Variants in ELAPOR2 observed in about 807,000 individuals in gnomAD.
ELAPOR2 encodes the protein endosome/lysosome-associated apoptosis and autophagy regulator family member 2.
ELAPOR2 carries 89 observed loss-of-function variants against 120.7 expected under a neutral mutation model. That is an observed-to-expected ratio of 0.74 (90% confidence interval 0.62 to 0.88). The LOEUF is 0.88. Among genes scored for constraint, ELAPOR2 ranks in the 40% least tolerant of loss-of-function variants. The pLI, the probability that ELAPOR2 is intolerant of heterozygous loss-of-function variation, is 0.00. For missense variants in ELAPOR2, 1,134 were observed against 1,251.6 expected (o/e 0.91, Z 1.42); for synonymous variants, 444 against 444.9 (o/e 1.00, Z 0.03).
chr7:86,984,396 C>T (rs975206054), intron 1 of ELAPOR2, among the ~76,000 whole-genome samples: 4 of 152,180 alleles, frequency 2.6e-5, no homozygotes, highest in Non-Finnish European at 4.4e-5. Flanking sequence ...ATTCTCAGCA[C>T]CACATTGCAC....
chr7:87,050,227 A>G (rs1021744624), intron 1 of ELAPOR2, among the ~76,000 whole-genome samples: 1 of 152,134 alleles, frequency 6.6e-6, no homozygotes, highest in Non-Finnish European at 1.5e-5. Context: ...TGGACCTTTG[A>G]TATAGTTTGG....
chr7:86,983,166 T>C (rs1792574661), intron 1 of ELAPOR2, among the ~76,000 whole-genome samples: 1 of 152,090 alleles, frequency 6.6e-6, no homozygotes, highest in South Asian at 2.1e-4. Context: ...GAACAAAGAC[T>C]CCAACAAATA....
chr7:86,880,554 A>C, intron 21 of ELAPOR2, 24 bp from the exon 22 acceptor site: 1 of 1,419,828 alleles, frequency 7.0e-7, no homozygotes. Flanking sequence ...TTAAAGACAA[A>C]ATCAACTCAC....
rs1186590460 is a variant in ELAPOR2, at chr7:86,912,983, T to G, written c.1953A>C (p.Lys651Asn). Residue 651 changes from lysine (K) to asparagine (N), a missense_variant, in exon 14 of 22, where the codon AAA (lysine) becomes AAC (asparagine). Lys to Asn is a moderately conservative substitution (Grantham distance 94). Around this residue, in one of 3 missense-constraint regions of ELAPOR2, gnomAD observed 831 missense variants for 867.6 expected, o/e 0.96. Transcript: ENST00000450689. ...CAGGCCCGCATGGAATACAAGCCTC[T>G]TTGCCATAGACCTGATGTATGGACA... ...TYLSIHQVYG[K>N]EACIPCGPGS... 6.2e-7 allele frequency: 1 copy of G among 1,613,938 alleles called. No individual in the cohort carries two copies. The highest frequency in any genetic ancestry group is 1.7e-5 in the Admixed American group (1 of 59,980).
chr7:86,902,106 G>C (rs1162902176), intron 18 of ELAPOR2, among the ~76,000 whole-genome samples: 1 of 152,134 alleles, frequency 6.6e-6, no homozygotes, highest in Non-Finnish European at 1.5e-5. Flanking sequence ...TTCATAGATA[G>C]CACTTTTTTG....
chr7:86,950,157 C>T (rs1466034809), intron 2 of ELAPOR2, among the ~76,000 whole-genome samples: 1 of 152,194 alleles, frequency 6.6e-6, no homozygotes. Flanking sequence ...GCTGAGACAC[C>T]CTGCTTATGA....
At chr7:86,894,315 T>A (rs193148158) in intron 19 of ELAPOR2, among the ~76,000 whole-genome samples, 16 of 152,206 alleles carry the variant, frequency 1.1e-4, no homozygotes, top group Admixed American at 1.0e-3. Flanking sequence ...AAAATGGTAA[T>A]GTGGGAAATG....
chr7:86,928,181 A>G (rs915266635), intron 8 of ELAPOR2, among the ~76,000 whole-genome samples: 2 of 151,978 alleles, frequency 1.3e-5, no homozygotes. Context: ...CACTTTAACC[A>G]GCCACTTCAC....
At chr7:87,048,842 T>A (rs1489996312) in intron 1 of ELAPOR2, among the ~76,000 whole-genome samples, 1 of 152,234 alleles carries the variant, frequency 6.6e-6, no homozygotes, top group East Asian at 1.9e-4. Flanking sequence ...TTAGTAATGA[T>A]CGTAACAGTT....
At chr7:86,962,031 C>T (rs1791732250) in intron 2 of ELAPOR2, among the ~76,000 whole-genome samples, 1 of 152,152 alleles carries the variant, frequency 6.6e-6, no homozygotes, top group Admixed American at 6.6e-5. Context: ...CATGCTATTT[C>T]CTGAGCCCTG....
At chr7:87,041,558 T>C (rs1456133385) in intron 1 of ELAPOR2, among the ~76,000 whole-genome samples, 1 of 151,862 alleles carries the variant, frequency 6.6e-6, no homozygotes, top group Non-Finnish European at 1.5e-5. Flanking sequence ...GACAAGCAAA[T>C]GCTGAGAGAT....
chr7:86,897,996 A>G (rs993302290), intron 18 of ELAPOR2, among the ~76,000 whole-genome samples: 1 of 152,150 alleles, frequency 6.6e-6, no homozygotes, highest in Admixed American at 6.6e-5. Flanking sequence ...CCTAGGTATA[A>G]ACCCAAGAGA....
chr7:86,934,089 T>C (rs1790455594), intron 8 of ELAPOR2, among the ~76,000 whole-genome samples: 1 of 152,040 alleles, frequency 6.6e-6, no homozygotes, highest in Non-Finnish European at 1.5e-5. Flanking sequence ...GTGAATATTC[T>C]TTAATTTATC....
At chr7:86,900,354 C>T (rs983441369) in intron 18 of ELAPOR2, among the ~76,000 whole-genome samples, 2 of 152,134 alleles carry the variant, frequency 1.3e-5, no homozygotes, top group Non-Finnish European at 2.9e-5. Context: ...CCTTCTTTCC[C>T]CTGCCACATT....
At chr7:86,941,577 G>A (rs914968372) in intron 5 of ELAPOR2, among the ~76,000 whole-genome samples, 10 of 152,020 alleles carry the variant, frequency 6.6e-5, no homozygotes, top group East Asian at 1.9e-4. Context: ...TGGGCACAGC[G>A]CAGAGAAAGA....
At chr7:87,020,369 G>T (rs1428584731) in intron 1 of ELAPOR2, among the ~76,000 whole-genome samples, 1 of 152,024 alleles carries the variant, frequency 6.6e-6, no homozygotes, top group Non-Finnish European at 1.5e-5. Context: ...AGGTGAAAAG[G>T]ACCCAAGTGA....
In ELAPOR2 at chr7:86,938,118, G is replaced by A. The variant is rs111915743; in HGVS notation, c.1089+8C>T. 1 of 1,546,342 alleles carries A rather than the reference G, an allele frequency of 6.5e-7. No homozygotes were observed. On this transcript the variant is annotated splice_region_variant and intron_variant, in intron 8 of 21. Coordinates refer to ENST00000450689, the MANE Select transcript of ELAPOR2 (RefSeq NM_001142749.3). The stretch of plus-strand genomic sequence containing the variant: ...TATGGGATGGAGTTGATGCAACACT[G>A]CTGGTACCTTTCCTTCTTCATCACA...
At chr7:86,929,903 C>T (rs1306448819) in intron 8 of ELAPOR2, among the ~76,000 whole-genome samples, 1 of 151,844 alleles carries the variant, frequency 6.6e-6, no homozygotes, top group Non-Finnish European at 1.5e-5. Context: ...CCATTTAAGA[C>T]ATGCCTGCTT....
At chr7:86,924,618 C>T (rs1265093852) in intron 10 of ELAPOR2, among the ~76,000 whole-genome samples, 2 of 151,914 alleles carry the variant, frequency 1.3e-5, no homozygotes, top group African/African-American at 2.4e-5. Flanking sequence ...TGAAGACTAG[C>T]TCACATTTAA....
Sources: allele counts gnomAD v4.1 joint callset (sites outside exome capture counted in the v4.1 genomes callset), GRCh38; gene constraint gnomAD v4.1.1; regional missense constraint gnomAD v4.1.1; transcripts MANE v1.5; gene names NCBI Gene and HGNC (gene_info 2026-07-23, HGNC 2026-07-21).